CFAP69: variants seen among roughly 807,000 people sequenced by gnomAD.
CFAP69 encodes the protein cilia- and flagella-associated protein 69.
CFAP69 carries 92 observed loss-of-function variants against 123.0 expected under a neutral mutation model. The observed-to-expected ratio is 0.75, with a 90% CI of 0.63 to 0.89. The LOEUF (loss-of-function observed/expected upper bound fraction) is 0.89, where lower values mean the gene tolerates loss of function less well. Ranked by LOEUF, CFAP69 falls within the 40% of genes least tolerant of loss-of-function variation. The pLI is 0.00. For missense variants in CFAP69, 1,067 were observed against 1,096.9 expected (o/e 0.97, Z 0.39); for synonymous variants, 380 against 364.3 (o/e 1.04, Z -0.49).
intron 15 of CFAP69, among the ~76,000 whole-genome samples, chr7:90,291,875 T>G (rs1212846152): frequency 6.6e-6 from 1 of 152,174 alleles, no homozygotes; most frequent in Non-Finnish European, 1.5e-5. Flanking sequence ...GAATATCAAT[T>G]CTGGTTTTCA....
At position 90,255,439 on chromosome 7, in the gene CFAP69, T is replaced by C. The variant is rs1797534898; in HGVS notation, c.137T>C (p.Met46Thr). The C allele has an allele frequency of 1.2e-6, 2 of 1,612,878 alleles. No homozygotes were observed. Among genetic ancestry groups the C allele is most frequent in the African/African-American group, 2.7e-5 (2 of 75,016 alleles). The change falls in exon 2 of 23, where the codon ATG becomes ACG. Residue 46 changes from methionine to threonine, a missense_variant. Physicochemically the swap from Met to Thr is moderately conservative, Grantham distance 81 (BLOSUM62 -1). Transcript: ENST00000389297. ...DDEAQDVFKP[M>T]DLNRVIKLLE... ...GTTTTTTAGGATGTTTTCAAGCCTA[T>C]GGACCTTAATCGTGTCATCAAACTC...
chr7:90,251,079 C>T (rs768849738), intron 1 of CFAP69, among the ~76,000 whole-genome samples: 6 of 152,122 alleles, frequency 3.9e-5, no homozygotes, highest in Non-Finnish European at 8.8e-5. Flanking sequence ...CAGTCTCACA[C>T]AGCATACAAG....
chr7:90,261,679 G>A (rs1426624091), intron 3 of CFAP69, among the ~76,000 whole-genome samples: 1 of 152,126 alleles, frequency 6.6e-6, no homozygotes, highest in Admixed American at 6.5e-5. Flanking sequence ...CTGAATCTGT[G>A]TTGTAGCAGT....
chr7:90,294,611 G>A (rs559089827), intron 15 of CFAP69, among the ~76,000 whole-genome samples: 5 of 151,844 alleles, frequency 3.3e-5, no homozygotes, highest in Admixed American at 1.3e-4. Context: ...CATACAAGAC[G>A]AGGGAAACCT....
chr7:90,281,096 T>G (rs180974692), intron 12 of CFAP69, among the ~76,000 whole-genome samples: 6 of 152,332 alleles, frequency 3.9e-5, no homozygotes, highest in East Asian at 3.9e-4. Context: ...TTTAAACACC[T>G]TCCAAGTATT....
chr7:90,322,629 C>G, the CFAP69 span: 1 of 152,164 alleles, frequency 6.6e-6, no homozygotes, highest in Non-Finnish European at 1.5e-5. Flanking sequence ...GAAAGATATA[C>G]TTTATTTTTC....
Position 90,279,658 on chromosome 7 carries a change from C to T in CFAP69, c.1156-19C>T, listed in dbSNP as rs1381701577. ...TTTGGCTATGTTTCTAACAAAGTAT[C>T]CTTTGTTCTTTCTCACAGCTATTAA... On this transcript the variant is annotated intron_variant, in intron 11 of 22. Coordinates refer to ENST00000389297, the MANE Select transcript of CFAP69 (RefSeq NM_001039706.3). 3.3e-6 allele frequency: 5 copies of T among 1,493,328 alleles called. No individual in the cohort carries two copies. Among genetic ancestry groups the T allele is most frequent in the Non-Finnish European group, 3.6e-6 (4 of 1,096,718 alleles). 92.5% of individuals were successfully genotyped at this position (1,493,328 alleles called of 1,614,324 possible). A position where few individuals can be genotyped will look rare whatever the true frequency, so the allele number is the denominator to read the frequency against.
At chr7:90,289,562 C>T (rs915181169) in intron 15 of CFAP69, among the ~76,000 whole-genome samples, 3 of 152,014 alleles carry the variant, frequency 2.0e-5, no homozygotes, top group Non-Finnish European at 4.4e-5. Context: ...TATATTCTGC[C>T]ACTCTGAGGC....
intron 17 of CFAP69, chr7:90,303,367 G>A (rs1793092831): frequency 6.3e-6 from 1 of 158,190 alleles, no homozygotes; most frequent in South Asian, 2.0e-4. Context: ...TGGTGAAAGA[G>A]CGCATGCCTG....
At chr7:90,321,942 G>A in the CFAP69 span, among the ~76,000 whole-genome samples, 1 of 152,188 alleles carries the variant, frequency 6.6e-6, no homozygotes, top group Non-Finnish European at 1.5e-5. Flanking sequence ...CAGCAGCGAT[G>A]ATCAGATGGG....
At chr7:90,255,037 GA>G (rs1457171119) in intron 1 of CFAP69, among the ~76,000 whole-genome samples, 1 of 152,184 alleles carries the variant, frequency 6.6e-6, no homozygotes, top group African/African-American at 2.4e-5. Flanking sequence ...ACCTAGTTGA[GA>G]AAAGCAATCT....
In CFAP69 at chr7:90,245,252, C is replaced by T; in HGVS notation, c.-173C>T. 1.2e-6 allele frequency: 1 copy of T among 804,152 alleles called. No individual in the cohort carries two copies. The highest frequency in any genetic ancestry group is 1.8e-6 in the Non-Finnish European group (1 of 569,114). 49.8% of individuals were successfully genotyped at this position (804,152 alleles called of 1,614,324 possible). On this transcript the variant is annotated 5_prime_UTR_variant, in exon 1 of 23. Coordinates refer to ENST00000389297, the MANE Select transcript of CFAP69 (RefSeq NM_001039706.3). ...ACTGGGGGGCGGCAGCGGCGCTAAG[C>T]GGACTGTATGGCGGTGGCCTAGGCC...
At chr7:90,250,234 G>C (rs1796841828) in intron 1 of CFAP69, among the ~76,000 whole-genome samples, 1 of 137,294 alleles carries the variant, frequency 7.3e-6, no homozygotes, top group Non-Finnish European at 1.6e-5. Flanking sequence ...GAGAGAGAGA[G>C]ACTCCTTGGT....
At chr7:90,318,348 T>C in the CFAP69 span, 1 of 120,684 alleles carries the variant, frequency 8.3e-6, no homozygotes, top group Non-Finnish European at 1.8e-5. Flanking sequence ...GAAGTTTCTG[T>C]CTTTGTTTAT....
intron 15 of CFAP69, among the ~76,000 whole-genome samples, chr7:90,296,644 G>C (rs1372522471): frequency 2.0e-5 from 3 of 152,088 alleles, no homozygotes; most frequent in African/African-American, 7.2e-5. Context: ...AGTTTTAAGA[G>C]GTCCTGAGAA....
intron 21 of CFAP69, 125 bp downstream of exon 21, chr7:90,307,979 G>T (rs561520960): frequency 1.4e-5 from 8 of 561,820 alleles, no homozygotes; most frequent in African/African-American, 1.4e-4. Flanking sequence ...AGCACTATTA[G>T]ATGCTCATAT....
chr7:90,319,392 G>T, the CFAP69 span: 1 of 398,404 alleles, frequency 2.5e-6, no homozygotes, highest in Non-Finnish European at 4.4e-6. Flanking sequence ...TATATTTGGG[G>T]GGCATCACCT....
At chr7:90,289,507 T>C (rs535936735) in intron 15 of CFAP69, among the ~76,000 whole-genome samples, 26 of 152,298 alleles carry the variant, frequency 1.7e-4, no homozygotes, top group Non-Finnish European at 5.9e-5. Flanking sequence ...TAGAGTTCTT[T>C]ATATGTCCTG....
intron 3 of CFAP69, among the ~76,000 whole-genome samples, chr7:90,258,611 C>T (rs1797935310): frequency 6.6e-6 from 1 of 152,226 alleles, no homozygotes; most frequent in Non-Finnish European, 1.5e-5. Context: ...TCTCAAAATT[C>T]CTAATCATAT....
Sources: allele counts gnomAD v4.1 joint callset (sites outside exome capture counted in the v4.1 genomes callset), GRCh38; gene constraint gnomAD v4.1.1; transcripts MANE v1.5; gene names NCBI Gene and HGNC (gene_info 2026-07-23, HGNC 2026-07-21).